The following PEDS1 variants were observed in gnomAD, a reference collection of about 807,000 sequenced individuals.
PEDS1 encodes plasmanylethanolamine desaturase 1, also known as CarF homolog.
In PEDS1, 14 loss-of-function variants were observed where a neutral mutation model predicts 35.2. The observed-to-expected ratio is 0.40, with a 90% CI of 0.26 to 0.62. The LOEUF (loss-of-function observed/expected upper bound fraction) is 0.62, where lower values mean the gene tolerates loss of function less well. Among genes scored for constraint, PEDS1 ranks in the 20% least tolerant of loss-of-function variants. The probability of loss-of-function intolerance (pLI) is 0.44; values close to 1 mark genes in which losing one functional copy is unlikely to be tolerated. For missense variants in PEDS1, 260 were observed against 367.8 expected (o/e 0.71, Z 2.40); for synonymous variants, 152 against 152.0 (o/e 1.00, Z 0.00).
chr20:50,138,463 C>T (rs1266133391), intron 2 of PEDS1, among the ~76,000 whole-genome samples: 4 of 152,212 alleles, frequency 2.6e-5, no homozygotes, highest in South Asian at 2.1e-4. Context: ...GTAAAGGGCC[C>T]GGTGGGTCCC....
intron 1 of PEDS1, among the ~76,000 whole-genome samples, chr20:50,148,529 G>C (rs1477470622): frequency 6.6e-6 from 1 of 152,194 alleles, no homozygotes; most frequent in Non-Finnish European, 1.5e-5. Context: ...GGCTGGCCTC[G>C]TGTGGTAGGT....
chr20:50,139,019 A>G (rs232738), intron 2 of PEDS1, among the ~76,000 whole-genome samples: 92,376 of 152,010 alleles, frequency 0.61, 29,886 homozygotes, highest in African/African-American at 0.85. Context: ...GTGGCTGAGG[A>G]GCCAAGTGAA....
intron 2 of PEDS1, among the ~76,000 whole-genome samples, chr20:50,134,633 C>T (rs755784051): frequency 3.9e-5 from 6 of 152,188 alleles, no homozygotes; most frequent in Non-Finnish European, 7.3e-5. Flanking sequence ...GGTGGGGCCT[C>T]GCAAGGGATT....
chr20:50,130,657 C>T (rs1336203136), intron 3 of PEDS1, among the ~76,000 whole-genome samples, 199 bp downstream of exon 3: 1 of 152,194 alleles, frequency 6.6e-6, no homozygotes, highest in Admixed American at 6.5e-5. Context: ...ACTCTTGGAC[C>T]ATCCCAAGCC....
Position 50,129,718 on chromosome 20 carries a change from C to A in PEDS1, c.334-28G>T. On this transcript the variant is annotated intron_variant, in intron 3 of 5. Transcript: ENST00000371652. This position sits in a 1 kb window ranked among gnomAD's most constrained non-coding sequence, Gnocchi z 4.2. ...GGAGTTGAGGGGGACACAGCCCCAG[C>A]AGTCAGCCTAAGGTGGTCAGCTGCT... The A allele has an allele frequency of 6.2e-7, 1 of 1,612,426 alleles. No individual in the cohort carries two copies. The highest frequency in any genetic ancestry group is 8.5e-7 in the Non-Finnish European group (1 of 1,179,694).
In PEDS1 at chr20:50,129,767, C is replaced by G; in HGVS notation, c.334-77G>C. The G allele has an allele frequency of 6.4e-7, 1 of 1,570,486 alleles. No homozygotes were observed. Among genetic ancestry groups the G allele is most frequent in the South Asian group, 1.1e-5 (1 of 87,188 alleles). ...CTCTCCACAGCCCCCTAAACACATTCACCCTGGGCTCACCTCCCGCCTTTG... is the reference window on the plus strand; with the variant it reads ...CTCTCCACAGCCCCCTAAACACATTGACCCTGGGCTCACCTCCCGCCTTTG... On this transcript the variant is annotated intron_variant, in intron 3 of 5. Coordinates refer to ENST00000371652, the MANE Select transcript of PEDS1 (RefSeq NM_199129.4). This position sits in a 1 kb window ranked among gnomAD's most constrained non-coding sequence, Gnocchi z 4.2.
intron 2 of PEDS1, among the ~76,000 whole-genome samples, chr20:50,135,682 A>G (rs1402149275): frequency 6.7e-6 from 1 of 150,204 alleles, no homozygotes; most frequent in African/African-American, 2.5e-5. Flanking sequence ...AAAAAAAAAA[A>G]GCATTTCCAG....
intron 2 of PEDS1, among the ~76,000 whole-genome samples, chr20:50,141,437 C>T (rs1355109416): frequency 6.6e-6 from 1 of 152,238 alleles, no homozygotes; most frequent in Non-Finnish European, 1.5e-5. Flanking sequence ...TGTCCCCTCC[C>T]CGCCCCTGCT....
At position 50,118,369 on chromosome 20, in the gene PEDS1, T is replaced by G. The variant is rs191494850; in HGVS notation, c.*6689A>C. ...TCCTATGAGGTAGGTACCATTATTA[T>G]TCCCATTTTGCAGGTGAGGAAACTG... On this transcript the variant is annotated 3_prime_UTR_variant, in exon 6 of 6. Coordinates refer to ENST00000371652, the MANE Select transcript of PEDS1 (RefSeq NM_199129.4). 1 of 152,446 alleles carries G rather than the reference T, an allele frequency of 6.6e-6. No individual in the cohort carries two copies. Among genetic ancestry groups the G allele is most frequent in the Admixed American group, 6.5e-5 (1 of 15,304 alleles). 9.4% of individuals were successfully genotyped at this position (152,446 alleles called of 1,614,324 possible).
At chr20:50,152,411 T>A (rs1473933171) in intron 1 of PEDS1, among the ~76,000 whole-genome samples, 1 of 152,190 alleles carries the variant, frequency 6.6e-6, no homozygotes, top group Non-Finnish European at 1.5e-5. Flanking sequence ...CAAAGCTTCA[T>A]TCCATGGTGA....
intron 3 of PEDS1, among the ~76,000 whole-genome samples, chr20:50,130,118 T>C (rs959832791): frequency 6.6e-6 from 1 of 152,134 alleles, no homozygotes; most frequent in Non-Finnish European, 1.5e-5. Flanking sequence ...CGCCCCGGGC[T>C]GAGAAAGAAC....
At position 50,140,845 on chromosome 20, in the gene PEDS1, G is replaced by A. The variant is rs143854349; in HGVS notation, c.241+2657C>T. On this transcript the variant is annotated intron_variant, in intron 2 of 5. Transcript: ENST00000371652. ...GGCACAGTGCCCTTACTGCCTGCAT[G>A]TTAACACACAAATCGGGGTGGCTAT... 1.1e-4 allele frequency among the ~76,000 whole-genome samples: 16 copies of A among 152,326 alleles called. No homozygotes were observed. The East Asian group carries it at 3.1e-3, about 29-fold the overall frequency.
At chr20:50,133,753 C>G (rs932057042) in intron 2 of PEDS1, among the ~76,000 whole-genome samples, 3 of 152,244 alleles carry the variant, frequency 2.0e-5, no homozygotes, top group African/African-American at 7.2e-5. Context: ...TGCTCTCGCT[C>G]ACATCTCCCT....
intron 2 of PEDS1, among the ~76,000 whole-genome samples, chr20:50,135,658 C>CAAAAAAAA (rs34069451): frequency 2.6e-5 from 1 of 37,846 alleles, no homozygotes; most frequent in African/African-American, 1.1e-4. Context: ...AACTCCATCT[C>CAAAAAAAA]AAAAAAAAAA....
At chr20:50,140,257 C>G (rs2081279124) in intron 2 of PEDS1, among the ~76,000 whole-genome samples, 2 of 152,380 alleles carry the variant, frequency 1.3e-5, no homozygotes, top group South Asian at 4.1e-4. Flanking sequence ...ACCCTTAGGT[C>G]TGGGCTGCCA....
At chr20:50,147,252 A>G (rs2081355786) in intron 1 of PEDS1, among the ~76,000 whole-genome samples, 1 of 152,224 alleles carries the variant, frequency 6.6e-6, no homozygotes, top group African/African-American at 2.4e-5. Context: ...TAAATTTGAA[A>G]ATCACGTAAA....
chr20:50,131,363 T>C (rs2081177618), intron 2 of PEDS1, among the ~76,000 whole-genome samples: 1 of 152,176 alleles, frequency 6.6e-6, no homozygotes, highest in South Asian at 2.1e-4. Context: ...GCTCATGCTT[T>C]GTAATCCCAG....
chr20:50,127,415 T>C (rs1213121068), intron 5 of PEDS1, among the ~76,000 whole-genome samples: 1 of 149,200 alleles, frequency 6.7e-6, no homozygotes, highest in Admixed American at 6.8e-5. Flanking sequence ...GATTTCAGCT[T>C]ACTGCAACCT....
At chr20:50,142,689 C>CA (rs140590269) in intron 2 of PEDS1, among the ~76,000 whole-genome samples, 5 of 94,220 alleles carry the variant, frequency 5.3e-5, no homozygotes, top group East Asian at 3.8e-4. Context: ...TCCGCCCCCC[C>CA]CCCCCCGCCC....
Sources: allele counts gnomAD v4.1 joint callset (sites outside exome capture counted in the v4.1 genomes callset), GRCh38; gene constraint gnomAD v4.1.1; non-coding constraint Gnocchi (gnomAD v3.1); transcripts MANE v1.5; gene names NCBI Gene and HGNC (gene_info 2026-07-23, HGNC 2026-07-21).